TRMT2A: variants seen among roughly 807,000 people sequenced by gnomAD.
TRMT2A encodes the protein tRNA (uracil-5-)-methyltransferase homolog A.
Under a neutral mutation model 59.3 loss-of-function variants are expected in TRMT2A, and 60 were observed. The ratio of observed to expected loss-of-function variants is 1.01; its 90% confidence interval spans 0.82 to 1.26. The LOEUF is 1.26. TRMT2A is among the 50% of genes most tolerant of loss of function. TRMT2A has a pLI of 0.00. For synonymous variants in TRMT2A, 403 were observed against 353.7 expected, an observed-to-expected ratio of 1.14 and a Z score of -1.56; for missense variants, 863 against 845.2, an observed-to-expected ratio of 1.02 and a Z score of -0.26.
rs772950878 is a variant in TRMT2A at position 20,114,859 on chromosome 22, C to A, written c.1023G>T (p.Glu341Asp). ...YFHPQKLSPEELAELKTSLAQ... is the reference protein window; with the variant it reads ...YFHPQKLSPEDLAELKTSLAQ... ...CTAGGGAGGTCTTCAGCTCTGCCAG[C>A]TCCTCAGGGCTCAGCTTCTGGAGTA... Residue 341 changes from glutamate (E) to aspartate (D), a missense_variant, in exon 6 of 12, where the codon GAG (glutamate) becomes GAT (aspartate). Transcript: ENST00000252136. 1 of 1,597,342 alleles carries A rather than the reference C, an allele frequency of 6.3e-7. No homozygotes were observed. The highest frequency in any genetic ancestry group is 8.5e-7 in the Non-Finnish European group (1 of 1,173,402).
chr22:20,112,454 GTGC>G lies in TRMT2A; in HGVS notation c.*106_*108del. ...CAATCCTGGTGGGGCACAGGGTTCT[GTGC>G]CCTTTGGCTGCCTACCTCTGAATAT... On this transcript the variant is annotated 3_prime_UTR_variant, in exon 12 of 12. Coordinates refer to ENST00000252136, the MANE Select transcript of TRMT2A (RefSeq NM_022727.6). 2.2e-6 allele frequency: 3 copies of G among 1,375,296 alleles called. No individual in the cohort carries two copies. The highest frequency in any genetic ancestry group is 2.9e-6 in the Non-Finnish European group (3 of 1,023,814). 85.2% of individuals were successfully genotyped at this position (1,375,296 alleles called of 1,614,324 possible).
chr22:20,112,408 C>T lies in TRMT2A; in HGVS notation c.*155G>A, dbSNP rs915946463. ...ACCCACCTGTCTTCCTGGTCAGGGC[C>T]CCTGGCCCCTAGCAGCAGGCCAATC... On this transcript the variant is annotated 3_prime_UTR_variant, in exon 12 of 12. Transcript: ENST00000252136. The T allele has an allele frequency of 2.9e-5, 29 of 1,016,468 alleles. No homozygotes were observed. Among genetic ancestry groups the T allele is most frequent in the Non-Finnish European group, 4.0e-5 (28 of 707,116 alleles). 63.0% of individuals were successfully genotyped at this position (1,016,468 alleles called of 1,614,324 possible).
chr22:20,117,028 C>G lies in TRMT2A; in HGVS notation c.-122G>C, dbSNP rs916608159. The G allele has an allele frequency of 9.7e-6, 13 of 1,344,028 alleles. No homozygotes were observed. In the African/African-American group the frequency reaches 1.2e-4, roughly 12 times the overall value. 83.3% of individuals were successfully genotyped at this position (1,344,028 alleles called of 1,614,324 possible). On this transcript the variant is annotated 5_prime_UTR_variant, in exon 1 of 12. Coordinates refer to ENST00000252136, the MANE Select transcript of TRMT2A (RefSeq NM_022727.6). The stretch of plus-strand genomic sequence containing the variant: ...GAAGTGCTCAGAGGGGAGGTGCTCA[C>G]AGAGCCGGTGCAACGCCGCGAGGTC...
rs760237468 is a variant in TRMT2A at position 20,114,784 on chromosome 22, G to C, written c.1098C>G (p.Leu366=). 3 of 1,611,488 alleles carry C rather than the reference G, an allele frequency of 1.9e-6. No individual in the cohort carries two copies. Among genetic ancestry groups the C allele is most frequent in the Non-Finnish European group, 2.5e-6 (3 of 1,179,618 alleles). The change falls in exon 6 of 12, where the codon CTC becomes CTG. Residue 366 remains leucine, a synonymous_variant. Coordinates refer to ENST00000252136, the MANE Select transcript of TRMT2A (RefSeq NM_022727.6). ...GPGRASGVTC[L]YFVEEGQRKT... ...ACCGCTGTCCCTCCTCCACGAAGTA[G>C]AGGCAGGTCACTCCACTGGCCCTGC...
In TRMT2A at chr22:20,117,015, G is replaced by C; in HGVS notation, c.-109C>G. Reference sequence around the variant, plus strand: ...GCCTGTCACAAGGGAAGTGCTCAGAGGGGAGGTGCTCACAGAGCCGGTGCA... The same window carrying C: ...GCCTGTCACAAGGGAAGTGCTCAGACGGGAGGTGCTCACAGAGCCGGTGCA... On this transcript the variant is annotated 5_prime_UTR_variant, in exon 1 of 12. Coordinates refer to ENST00000252136, the MANE Select transcript of TRMT2A (RefSeq NM_022727.6). The C allele has an allele frequency of 1.4e-6, 2 of 1,422,300 alleles. No individual in the cohort carries two copies. The highest frequency in any genetic ancestry group is 1.9e-6 in the Non-Finnish European group (2 of 1,038,042). 88.1% of individuals were successfully genotyped at this position (1,422,300 alleles called of 1,614,324 possible).
In TRMT2A at chr22:20,113,523, G is replaced by C. The variant is rs367815986; in HGVS notation, c.1357-16C>G. ...TCTTTACCTTCTGAAACAGGAAAGCGTGGTGTCGCCCCACCCAGGGAGGGG... is the reference window on the plus strand; with the variant it reads ...TCTTTACCTTCTGAAACAGGAAAGCCTGGTGTCGCCCCACCCAGGGAGGGG... On this transcript the variant is annotated splice_polypyrimidine_tract_variant and intron_variant, in intron 8 of 11. Transcript: ENST00000252136. 4.6e-5 allele frequency: 75 copies of C among 1,613,236 alleles called. No homozygotes were observed. Among genetic ancestry groups the C allele is most frequent in the Non-Finnish European group, 6.1e-5 (72 of 1,179,902 alleles).
intron 7 of TRMT2A, 81 bp downstream of exon 7, chr22:20,114,493 G>T: frequency 8.5e-7 from 1 of 1,172,458 alleles, no homozygotes. Flanking sequence ...CACCGCCTGA[G>T]CCCACTGTTC....
chr22:20,113,596 T>C (rs1227622892), intron 8 of TRMT2A, 89 bp from the exon 9 acceptor site: 1 of 1,606,128 alleles, frequency 6.2e-7, no homozygotes, highest in Admixed American at 1.7e-5. Flanking sequence ...GCCTGGGGCA[T>C]GATGGAGTCA....
rs770117316 is a variant in TRMT2A, at chr22:20,115,455, G to C, written c.709-8C>G. 1.9e-6 allele frequency: 3 copies of C among 1,600,958 alleles called. No homozygotes were observed. The highest frequency in any genetic ancestry group is 2.6e-6 in the Non-Finnish European group (3 of 1,173,210). On this transcript the variant is annotated splice_polypyrimidine_tract_variant and splice_region_variant and intron_variant, in intron 3 of 11. Transcript: ENST00000252136. ...CTTATTACGATACTCAGTCTGCAGG[G>C]AGAGAGAGCTGCACCTTACCCTGGC...
In TRMT2A at chr22:20,116,880, T is replaced by C; in HGVS notation, c.24+3A>G. 2 of 1,488,530 alleles carry C rather than the reference T, an allele frequency of 1.3e-6. No homozygotes were observed. The highest frequency in any genetic ancestry group is 1.8e-6 in the Non-Finnish European group (2 of 1,102,604). 92.2% of individuals were successfully genotyped at this position (1,488,530 alleles called of 1,614,324 possible). A position where few individuals can be genotyped will look rare whatever the true frequency, so the allele number is the denominator to read the frequency against. ...CTCTACCCAGCGTCTCCCCGCACTC[T>C]ACCTCGTTGTCGAGGTTCTCACTCA... On this transcript the variant is annotated splice_donor_region_variant and intron_variant, in intron 1 of 11. Transcript: ENST00000252136.
chr22:20,114,525 T>C (rs1046636963), intron 7 of TRMT2A, 49 bp downstream of exon 7: 1 of 1,481,870 alleles, frequency 6.7e-7, no homozygotes, highest in African/African-American at 1.4e-5. Flanking sequence ...TGATGGTGCG[T>C]CAGGCCTCCC....
intron 3 of TRMT2A, 108 bp downstream of exon 3, chr22:20,115,564 G>A (rs1191657133): frequency 5.8e-6 from 9 of 1,560,738 alleles, no homozygotes; most frequent in Admixed American, 1.7e-5. Context: ...ACTATGTGAT[G>A]TTACCAGAAG....
rs1221932522 is a variant in TRMT2A at position 20,112,003 on chromosome 22, C to CATGT, written c.*559_*560insACAT. On this transcript the variant is annotated 3_prime_UTR_variant, in exon 12 of 12. Coordinates refer to ENST00000252136, the MANE Select transcript of TRMT2A (RefSeq NM_022727.6). ...TTGTAACAGCTGAGCAGCACCCCAG[C>CATGT]ATGGCCCCTTCCTTGGTTGATGCCC... 1 of 155,612 alleles carries CATGT rather than the reference C, an allele frequency of 6.4e-6. No homozygotes were observed. Among genetic ancestry groups the CATGT allele is most frequent in the Non-Finnish European group, 1.4e-5 (1 of 70,476 alleles). The allele number at this position is 155,612 out of a possible 1,614,324, so 9.6% of individuals were successfully genotyped here. A position where few individuals can be genotyped will look rare whatever the true frequency, so the allele number is the denominator to read the frequency against.
At chr22:20,113,400 T>TGGGCCCCC in intron 9 of TRMT2A, 32 bp downstream of exon 9, 2 of 1,049,432 alleles carry the variant, frequency 1.9e-6, no homozygotes, top group Non-Finnish European at 1.4e-6. Flanking sequence ...GCTGCCCCCA[T>TGGGCCCCC]CCCCACCCCC....
Position 20,113,764 on chromosome 22 carries a change from G to A in TRMT2A, c.1278C>T (p.Asp426=). The A allele has an allele frequency of 6.2e-7, 1 of 1,609,462 alleles. No homozygotes were observed. Among genetic ancestry groups the A allele is most frequent in the Non-Finnish European group, 8.5e-7 (1 of 1,178,636 alleles). The change falls in exon 8 of 12, where the codon GAC becomes GAT. Residue 426 remains aspartate, a synonymous_variant. Coordinates refer to ENST00000252136, the MANE Select transcript of TRMT2A (RefSeq NM_022727.6). ...AAEVLYTVIQ[D]WAQLDAGSMV... ...TGCTCCCCGCATCCAATTGGGCCCA[G>A]TCCTGGATGACTGTGTAGAGCACCT...
In TRMT2A at chr22:20,112,642, G is replaced by T. The variant is rs2049877713; in HGVS notation, c.1799C>A (p.Pro600His). 1.2e-6 allele frequency: 2 copies of T among 1,614,072 alleles called. No homozygotes were observed. The highest frequency in any genetic ancestry group is 8.5e-7 in the Non-Finnish European group (1 of 1,180,010). Residue 600 changes from proline to histidine, a missense_variant, in exon 12 of 12, where the codon CCC becomes CAC. Pro to His is a moderately conservative substitution (Grantham distance 77). Coordinates refer to ENST00000252136, the MANE Select transcript of TRMT2A (RefSeq NM_022727.6). ...TGTGGGTTGAGCTGGAGGGCTGTGGGGCCCCAAGACCCCTGTGCCATTGGG... is the reference window on the plus strand; with the variant it reads ...TGTGGGTTGAGCTGGAGGGCTGTGGTGCCCCAAGACCCCTGTGCCATTGGG... ...EHPNGTGVLG[P>H]HSPPAQPTPG...
Position 20,116,959 on chromosome 22 carries a change from A to G in TRMT2A, c.-53T>C, listed in dbSNP as rs900416811. The G allele has an allele frequency of 2.1e-5, 33 of 1,564,244 alleles. No homozygotes were observed. The Admixed American group carries it at 6.1e-4, about 29-fold the overall frequency. On this transcript the variant is annotated 5_prime_UTR_variant, in exon 1 of 12. Coordinates refer to ENST00000252136, the MANE Select transcript of TRMT2A (RefSeq NM_022727.6). ...GGGACGCCATGGGGGCCGCCTGGCC[A>G]CCTCGTCCTGGGCCTGTCACAAGGG...
rs151231041 is a variant in TRMT2A, at chr22:20,112,993, G to C, written c.1564C>G (p.Leu522Val). Residue 522 changes from leucine to valine, a missense_variant, in exon 11 of 12, where the codon CTG becomes GTG. Leu to Val is a conservative substitution (Grantham distance 32). Coordinates refer to ENST00000252136, the MANE Select transcript of TRMT2A (RefSeq NM_022727.6). ...AGGTTCTTAGCTCTCCGGATGGCCA[G>C]GATCACCTTGGAATCTGAGGAGGCA... Reference protein sequence around the residue: ...PRAGLHSKVILAIRRAKNLRR... With the variant: ...PRAGLHSKVIVAIRRAKNLRR... 1.2e-6 allele frequency: 2 copies of C among 1,613,628 alleles called. No individual in the cohort carries two copies. Among genetic ancestry groups the C allele is most frequent in the South Asian group, 2.2e-5 (2 of 91,092 alleles).
Position 20,116,428 on chromosome 22 carries a change from G to GA in TRMT2A, c.208dup (p.Ser70PhefsTer2), listed in dbSNP as rs771784662. ...CTGCAGCTCCAGTTTAAAGATCTCAGAGGTAAACAAGTCATCCCTGATGTA... is the reference window on the plus strand; with the variant it reads ...CTGCAGCTCCAGTTTAAAGATCTCAGAAGGTAAACAAGTCATCCCTGATGTA... On this transcript the variant is annotated frameshift_variant, in exon 2 of 12. Coordinates refer to ENST00000252136, the MANE Select transcript of TRMT2A (RefSeq NM_022727.6). LOFTEE classifies it high-confidence loss of function. 4 of 1,612,684 alleles carry GA rather than the reference G, an allele frequency of 2.5e-6. No homozygotes were observed. Among genetic ancestry groups the GA allele is most frequent in the Non-Finnish European group, 2.5e-6 (3 of 1,179,736 alleles).
Sources: gnomAD v4.1 joint callset for allele counts on GRCh38, gnomAD v4.1.1 for gene constraint, MANE v1.5 for transcripts, NCBI Gene and HGNC (gene_info 2026-07-23, HGNC 2026-07-21) for gene names.